BEAN1: variants seen among roughly 807,000 people sequenced by gnomAD.
BEAN1 encodes the protein protein BEAN1.
Under a neutral mutation model 17.7 loss-of-function variants are expected in BEAN1, and 17 were observed. The ratio of observed to expected loss-of-function variants is 0.96; its 90% CI spans 0.66 to 1.44. The LOEUF is 1.44. Ranked by LOEUF, BEAN1 falls within the 40% of genes most tolerant of loss-of-function variation. The pLI is 0.00. For synonymous variants in BEAN1, 142 were observed against 151.8 expected, an observed-to-expected ratio of 0.94 and a Z score of 0.47; for missense variants, 359 against 374.1, an observed-to-expected ratio of 0.96 and a Z score of 0.33.
In BEAN1 at chr16:66,473,365, A is replaced by G. The variant is rs1963559519; in HGVS notation, c.289+3500A>G. 6.6e-6 allele frequency among the ~76,000 whole-genome samples: 1 copy of G among 152,128 alleles called. No homozygotes were observed. Among genetic ancestry groups the G allele is most frequent in the Non-Finnish European group, 1.5e-5 (1 of 68,022 alleles). Reference sequence around the variant, plus strand: ...TGTGGGGTTCCGGCCTCCCTGCCCCACTTCTGCACTCGGCTACAGCTTTGA... The same window carrying G: ...TGTGGGGTTCCGGCCTCCCTGCCCCGCTTCTGCACTCGGCTACAGCTTTGA... On this transcript the variant is annotated intron_variant, in intron 3 of 4. Transcript: ENST00000536005. The surrounding 1 kb of genome is among the most constrained non-coding windows in gnomAD (Gnocchi z 4.5).
Position 66,437,625 on chromosome 16 carries a change from C to G in BEAN1, c.-52C>G. The stretch of plus-strand genomic sequence containing the variant: ...TGGAGGGGCCTTCCCTGCGAGAAGT[C>G]AGAGCTGTGCCCGTGGGCAGGCTGG... On this transcript the variant is annotated 5_prime_UTR_variant, in exon 2 of 5. Transcript: ENST00000536005. The G allele has an allele frequency of 6.5e-7, 1 of 1,527,250 alleles. No homozygotes were observed. The highest frequency in any genetic ancestry group is 8.8e-7 in the Non-Finnish European group (1 of 1,139,602). The allele number at this position is 1,527,250 out of a possible 1,614,324, so 94.6% of individuals were successfully genotyped here.
In BEAN1 at chr16:66,472,908, G is replaced by C. The variant is rs146620588; in HGVS notation, c.289+3043G>C. Among the ~76,000 whole-genome samples, 634 of 151,928 alleles carry C rather than the reference G, an allele frequency of 4.2e-3. 1 individual carries two copies. Among genetic ancestry groups the C allele is most frequent in the African/African-American group, 0.015 (606 of 41,378 alleles). On this transcript the variant is annotated intron_variant, in intron 3 of 4. Transcript: ENST00000536005. ...GTGATGGCACATGCCTGTAGTCCCA[G>C]CTATTCAGGAGGCTGAGTCGGGAGG...
chr16:66,478,422 G>A (rs1438711887), intron 4 of BEAN1, among the ~76,000 whole-genome samples: 10 of 151,640 alleles, frequency 6.6e-5, no homozygotes, highest in Non-Finnish European at 1.5e-4. Flanking sequence ...CTAACACGGT[G>A]AAACCCCATC....
intron 2 of BEAN1, among the ~76,000 whole-genome samples, chr16:66,444,177 G>C (rs1962358060): frequency 6.6e-6 from 1 of 152,154 alleles, no homozygotes; most frequent in Non-Finnish European, 1.5e-5. Context: ...ATAGCGGCTG[G>C]GTGGCTCTTC....
At chr16:66,485,439 G>A (rs1367851933), downstream of BEAN1, 22 of 319,948 alleles carry the variant, frequency 6.9e-5, no homozygotes, top group Non-Finnish European at 1.4e-4. Flanking sequence ...ATGAGCGGTG[G>A]AGAGACAGTA....
chr16:66,493,613 G>GTGGTCA (rs1296386238), downstream of BEAN1: 3 of 535,618 alleles, frequency 5.6e-6, no homozygotes, highest in Non-Finnish European at 9.8e-6. Context: ...ATCGGGTGAG[G>GTGGTCA]TGGTCACCGC....
At chr16:66,460,831 T>G (rs1459501545) in intron 2 of BEAN1, among the ~76,000 whole-genome samples, 2 of 152,236 alleles carry the variant, frequency 1.3e-5, no homozygotes, top group African/African-American at 2.4e-5. Context: ...GACCCAGGTC[T>G]CTATCTGTGG....
At position 66,436,759 on chromosome 16, in the gene BEAN1, A is replaced by G. The variant is rs1303002143; in HGVS notation, c.-82-836A>G. Among the ~76,000 whole-genome samples, 3 of 152,036 alleles carry G rather than the reference A, an allele frequency of 2.0e-5. No homozygotes were observed. In the East Asian group the frequency reaches 5.8e-4, roughly 29 times the overall value. On this transcript the variant is annotated intron_variant, in intron 1 of 4. Coordinates refer to ENST00000536005, the MANE Select transcript of BEAN1 (RefSeq NM_001178020.3). ...CCCAGCCATGAGTTACCTTTTTAAAATGTTTTCTCCATTGCAAATTGGAGT... is the reference window on the plus strand; with the variant it reads ...CCCAGCCATGAGTTACCTTTTTAAAGTGTTTTCTCCATTGCAAATTGGAGT...
intron 3 of BEAN1, 24 bp from the exon 4 acceptor site, chr16:66,477,536 A>G (rs912383387): frequency 4.1e-5 from 62 of 1,512,926 alleles, no homozygotes; most frequent in South Asian, 7.5e-5. Flanking sequence ...TCTGAGGCCC[A>G]GGCCGGTGGT....
chr16:66,452,826 G>A (rs777867659), intron 2 of BEAN1, among the ~76,000 whole-genome samples: 23 of 152,170 alleles, frequency 1.5e-4, no homozygotes, highest in Non-Finnish European at 1.8e-4. Context: ...CCAGAGTAAC[G>A]AAGGGACACA....
chr16:66,493,704 G>C (rs1964209422), downstream of BEAN1, among the ~76,000 whole-genome samples: 1 of 152,150 alleles, frequency 6.6e-6, no homozygotes, highest in Non-Finnish European at 1.5e-5. Context: ...AGCCAGCTCT[G>C]CCCGACACCA....
chr16:66,466,236 A>G lies in BEAN1; in HGVS notation c.26-3366A>G, dbSNP rs1963257556. Among the ~76,000 whole-genome samples, 5 of 152,354 alleles carry G rather than the reference A, an allele frequency of 3.3e-5. No homozygotes were observed. The South Asian group carries it at 1.0e-3, about 32-fold the overall frequency. Reference sequence around the variant, plus strand: ...CTTGAACCTGGGAGGCAGAGGTTGCAGCTGCACTCCAGCCTGGGAGACAAT... The same window carrying G: ...CTTGAACCTGGGAGGCAGAGGTTGCGGCTGCACTCCAGCCTGGGAGACAAT... On this transcript the variant is annotated intron_variant, in intron 2 of 4. Transcript: ENST00000536005.
At chr16:66,493,058 G>C in exon 5 of BEAN1, 1 of 703,022 alleles carries the variant, frequency 1.4e-6, no homozygotes, top group East Asian at 2.7e-5. Flanking sequence ...GGCCACCTTG[G>C]AGTCTGAGTT....
At chr16:66,443,189 G>A (rs1356412279) in intron 2 of BEAN1, among the ~76,000 whole-genome samples, 1 of 152,226 alleles carries the variant, frequency 6.6e-6, no homozygotes, top group African/African-American at 2.4e-5. Context: ...GCAAGGGGAT[G>A]GAGGGAGTGA....
intron 4 of BEAN1, among the ~76,000 whole-genome samples, chr16:66,491,741 C>T (rs188538944): frequency 5.1e-4 from 77 of 152,268 alleles, no homozygotes; most frequent in Middle Eastern, 6.8e-3. Flanking sequence ...AACCTAGATC[C>T]CTCTCATGCA....
downstream of BEAN1, chr16:66,484,954 C>T (rs1191327701): frequency 8.8e-6 from 4 of 454,008 alleles, no homozygotes; most frequent in South Asian, 3.1e-5. The surrounding 1 kb of genome is among the most constrained non-coding windows in gnomAD (Gnocchi z 4.2). Context: ...GGGGAGTCAC[C>T]GTGCTGGCGA....
At chr16:66,490,404 T>TAAA (rs1413501720) in intron 4 of BEAN1, among the ~76,000 whole-genome samples, 1 of 102,958 alleles carries the variant, frequency 9.7e-6, no homozygotes, top group East Asian at 3.0e-4. Context: ...TTCAATAAAA[T>TAAA]AAAATAAAAT....
At position 66,482,655 on chromosome 16, in the gene BEAN1, G is replaced by C. The variant is rs1045423422; in HGVS notation, c.*1730G>C. 1.4e-5 allele frequency: 5 copies of C among 360,614 alleles called. No individual in the cohort carries two copies. Among genetic ancestry groups the C allele is most frequent in the African/African-American group, 4.3e-5 (2 of 46,770 alleles). The allele number at this position is 360,614 out of a possible 1,614,324, so 22.3% of individuals were successfully genotyped here. A position where few individuals can be genotyped will look rare whatever the true frequency, so the allele number is the denominator to read the frequency against. ...AACACATCCTGCTTCTGCAATTCCA[G>C]AGAGTGCTGGGGGAAAAAAAGGGAT... On this transcript the variant is annotated 3_prime_UTR_variant, in exon 5 of 5. Coordinates refer to ENST00000536005, the MANE Select transcript of BEAN1 (RefSeq NM_001178020.3).
Position 66,492,920 on chromosome 16 carries a change from G to C in BEAN1, c.148-42G>C, listed in dbSNP as rs763078032. 1.9e-5 allele frequency: 13 copies of C among 675,410 alleles called. No homozygotes were observed. The East Asian group carries it at 2.7e-4, about 14-fold the overall frequency. 41.8% of individuals were successfully genotyped at this position (675,410 alleles called of 1,614,324 possible). ...CCTGGCCCCTCTCAGCCACTCTGCT[G>C]AGGCCTGTCCCACTCCTAACAAGCT... On this transcript the variant is annotated intron_variant, in intron 4 of 4. Coordinates refer to the BEAN1 transcript ENST00000561796.
Sources: gnomAD v4.1 joint callset for allele counts (sites outside exome capture counted in the v4.1 genomes callset) on GRCh38, gnomAD v4.1.1 for gene constraint, Gnocchi (gnomAD v3.1) non-coding constraint, MANE v1.5 for transcripts, NCBI Gene and HGNC (gene_info 2026-07-23, HGNC 2026-07-21) for gene names.